Variants in TIAM2 observed in about 807,000 individuals in gnomAD.
TIAM2 encodes the protein TIAM Rac1 associated GEF 2, also known as rho guanine nucleotide exchange factor TIAM2.
TIAM2 carries 80 observed loss-of-function variants against 152.9 expected under a neutral mutation model. The observed-to-expected ratio is 0.52, with a 90% CI of 0.44 to 0.63. The LOEUF (loss-of-function observed/expected upper bound fraction) is 0.63. Among genes scored for constraint, TIAM2 ranks in the 30% least tolerant of loss-of-function variants. TIAM2 has a pLI of 0.00. For missense variants in TIAM2, 1,965 were observed against 2,120.1 expected, an observed-to-expected ratio of 0.93 and a Z score of 1.44; for synonymous variants, 804 against 838.0, an observed-to-expected ratio of 0.96 and a Z score of 0.70.
At chr6:155,212,983 G>A (rs1179716869) in intron 15 of TIAM2, among the ~76,000 whole-genome samples, 1 of 152,180 alleles carries the variant, frequency 6.6e-6, no homozygotes, top group Non-Finnish European at 1.5e-5. Context: ...CTGGAAGCTT[G>A]GAGATGCCAG....
At chr6:155,005,505 A>G (rs4304172) in intron 1 of TIAM2, among the ~76,000 whole-genome samples, 22,177 of 151,186 alleles carry the variant, frequency 0.15, 1,838 homozygotes, top group African/African-American at 0.23. Context: ...ATGCCTGGCT[A>G]ATTTTTGTAT....
intron 1 of TIAM2, among the ~76,000 whole-genome samples, chr6:155,028,344 G>C (rs111217894): frequency 1.7e-5 from 2 of 115,504 alleles, no homozygotes; most frequent in African/African-American, 8.4e-5. Flanking sequence ...AATATATACT[G>C]TGTTACATAT....
At chr6:155,095,878 A>G (rs1306186433) in intron 2 of TIAM2, among the ~76,000 whole-genome samples, 1 of 152,240 alleles carries the variant, frequency 6.6e-6, no homozygotes, top group African/African-American at 2.4e-5. Flanking sequence ...ATGTTCCAAT[A>G]TAACCTTCAA....
chr6:155,039,475 C>G (rs1258519603), intron 1 of TIAM2, among the ~76,000 whole-genome samples: 1 of 151,984 alleles, frequency 6.6e-6, no homozygotes, highest in African/African-American at 2.4e-5. Context: ...AGGAGGTGGC[C>G]TCCTGAGGAG....
intron 4 of TIAM2, among the ~76,000 whole-genome samples, chr6:155,132,998 T>C (rs963929064): frequency 6.6e-6 from 1 of 152,144 alleles, no homozygotes; most frequent in African/African-American, 2.4e-5. Context: ...GGGAACTGGG[T>C]CTCCTTCAAT....
At chr6:155,114,832 A>G (rs34380601) in intron 2 of TIAM2, among the ~76,000 whole-genome samples, 5,605 of 152,078 alleles carry the variant, frequency 0.037, 140 homozygotes, top group Middle Eastern at 0.065. Flanking sequence ...TTTAAATTTA[A>G]TTTTAATTTT....
intron 2 of TIAM2, among the ~76,000 whole-genome samples, chr6:155,106,674 C>T (rs1442841492): frequency 6.6e-6 from 1 of 152,210 alleles, no homozygotes; most frequent in Non-Finnish European, 1.5e-5. Flanking sequence ...TGTATTCTTA[C>T]TGCTAAAGGG....
chr6:155,060,915 C>T (rs937181610), intron 1 of TIAM2, among the ~76,000 whole-genome samples: 3 of 152,170 alleles, frequency 2.0e-5, no homozygotes, highest in African/African-American at 7.2e-5. Context: ...CAAACCAAAA[C>T]AAAATCCCAC....
chr6:155,127,078 A>T (rs1341203230), intron 2 of TIAM2, among the ~76,000 whole-genome samples: 1 of 152,164 alleles, frequency 6.6e-6, no homozygotes, highest in Non-Finnish European at 1.5e-5. Flanking sequence ...ATTCACTGTG[A>T]TGTTATATTT....
intron 14 of TIAM2, among the ~76,000 whole-genome samples, chr6:155,205,381 G>A (rs1015477972): frequency 3.9e-5 from 6 of 152,028 alleles, no homozygotes; most frequent in Admixed American, 6.6e-5. Context: ...CAGACTTTGG[G>A]GTGGAGTGGT....
intron 1 of TIAM2, among the ~76,000 whole-genome samples, chr6:155,006,512 C>T (rs1373587291): frequency 6.6e-6 from 1 of 151,348 alleles, no homozygotes; most frequent in African/African-American, 2.4e-5. Context: ...ACTCAAAATA[C>T]AAAAATTACC....
At chr6:155,153,458 A>AG (rs1780022724) in intron 7 of TIAM2, among the ~76,000 whole-genome samples, 1 of 151,992 alleles carries the variant, frequency 6.6e-6, no homozygotes. Flanking sequence ...GAAAAAAAAA[A>AG]GAAATTCTAC....
At chr6:155,107,035 T>G (rs1438274214) in intron 2 of TIAM2, among the ~76,000 whole-genome samples, 1 of 152,244 alleles carries the variant, frequency 6.6e-6, no homozygotes, top group East Asian at 1.9e-4. Context: ...AGACACTGTT[T>G]CCTGGCTTAC....
chr6:155,169,089 G>A (rs937712586), intron 9 of TIAM2, among the ~76,000 whole-genome samples: 5 of 152,000 alleles, frequency 3.3e-5, no homozygotes, highest in African/African-American at 1.2e-4. Flanking sequence ...TTCGCCTCCC[G>A]GGTTCATGCC....
At chr6:155,071,670 C>T (rs551731026) in intron 1 of TIAM2, among the ~76,000 whole-genome samples, 2 of 152,008 alleles carry the variant, frequency 1.3e-5, no homozygotes, top group Non-Finnish European at 2.9e-5. Flanking sequence ...TTTCAGAGGC[C>T]GATCACCTGA....
chr6:155,108,274 T>C (rs1438153745), intron 2 of TIAM2, among the ~76,000 whole-genome samples: 1 of 152,190 alleles, frequency 6.6e-6, no homozygotes, highest in Non-Finnish European at 1.5e-5. Context: ...GACACGTCTT[T>C]AGGGATGGAG....
intron 18 of TIAM2, 61 bp downstream of exon 18, chr6:155,244,844 A>C: frequency 1.3e-6 from 2 of 1,513,666 alleles, no homozygotes; most frequent in South Asian, 2.6e-5. Flanking sequence ...TATTTCTCTC[A>C]TGAGAATTCT....
chr6:155,002,009 G>A (rs927943320), intron 1 of TIAM2, among the ~76,000 whole-genome samples: 2 of 152,194 alleles, frequency 1.3e-5, no homozygotes, highest in African/African-American at 4.8e-5. Context: ...TTATATTGTT[G>A]TTGTCTAGTA....
At chr6:155,250,030 C>T (rs1783557027) in intron 21 of TIAM2, 61 bp downstream of exon 21, 3 of 1,299,386 alleles carry the variant, frequency 2.3e-6, no homozygotes, top group African/African-American at 1.5e-5. Context: ...TGTAGGTGAC[C>T]TTCTAGATAG....
Sources: allele counts gnomAD v4.1 joint callset (sites outside exome capture counted in the v4.1 genomes callset), GRCh38; gene constraint gnomAD v4.1.1; transcripts MANE v1.5; gene names NCBI Gene and HGNC (gene_info 2026-07-23, HGNC 2026-07-21).